The following KCNJ3 variants were observed in gnomAD, a reference collection of about 807,000 sequenced individuals.
KCNJ3 encodes potassium inwardly rectifying channel subfamily J member 3.
In KCNJ3, 4 loss-of-function variants were observed where a neutral mutation model predicts 39.2. The observed-to-expected ratio is 0.10, with a 90% CI of 0.05 to 0.23. The LOEUF is 0.23. Ranked by LOEUF, KCNJ3 falls within the 10% of genes least tolerant of loss-of-function variation. KCNJ3 has a pLI of 1.00. For missense variants in KCNJ3, 276 were observed against 634.9 expected, an observed-to-expected ratio of 0.43 and a Z score of 6.08; for synonymous variants, 230 against 237.4, an observed-to-expected ratio of 0.97 and a Z score of 0.29.
chr2:154,704,878 C>T (rs1684975110), intron 1 of KCNJ3, among the ~76,000 whole-genome samples: 1 of 152,118 alleles, frequency 6.6e-6, no homozygotes. Context: ...TGCACACACA[C>T]ACATAAATGC....
At chr2:154,812,173 T>G (rs1237732296) in intron 2 of KCNJ3, among the ~76,000 whole-genome samples, 1 of 152,162 alleles carries the variant, frequency 6.6e-6, no homozygotes, top group Non-Finnish European at 1.5e-5. Context: ...GCTTACTGAG[T>G]GATTATTGTA....
chr2:154,848,843 G>A (rs1420929156), intron 2 of KCNJ3, among the ~76,000 whole-genome samples: 1 of 152,144 alleles, frequency 6.6e-6, no homozygotes. Flanking sequence ...AGTGCCTCTG[G>A]TGTTCATCCC....
At chr2:154,843,288 G>T (rs1687608707) in intron 2 of KCNJ3, among the ~76,000 whole-genome samples, 2 of 152,130 alleles carry the variant, frequency 1.3e-5, no homozygotes, top group South Asian at 4.1e-4. Flanking sequence ...GGCTTGCTTG[G>T]TTTTTGCTGA....
At chr2:154,781,737 G>A (rs555400894) in intron 2 of KCNJ3, among the ~76,000 whole-genome samples, 6 of 152,138 alleles carry the variant, frequency 3.9e-5, no homozygotes, top group South Asian at 2.1e-4. Context: ...TTACTTGCCC[G>A]AACCATTTAA....
intron 2 of KCNJ3, among the ~76,000 whole-genome samples, chr2:154,785,995 A>T (rs1018936420): frequency 6.6e-6 from 1 of 152,206 alleles, no homozygotes; most frequent in African/African-American, 2.4e-5. Flanking sequence ...AAGACCTGTG[A>T]CTAAATGTCT....
Position 154,855,139 on chromosome 2 carries a change from G to C in KCNJ3, c.1332G>C (p.Pro444=), listed in dbSNP as rs767675362. Residue 444 remains proline (P), a synonymous_variant, in exon 3 of 3, where the codon CCG becomes CCC. Coordinates refer to ENST00000295101, the MANE Select transcript of KCNJ3 (RefSeq NM_002239.4). ...AACTTCAACGAATAAGTTCAGTTCC[G>C]GGCAACTCAGAAGAAAAACTGGTAT... ...PMKLQRISSV[P]GNSEEKLVSK... 1.2e-6 allele frequency: 2 copies of C among 1,613,934 alleles called. No individual in the cohort carries two copies. The highest frequency in any genetic ancestry group is 2.7e-5 in the African/African-American group (2 of 75,010).
intron 2 of KCNJ3, among the ~76,000 whole-genome samples, chr2:154,796,682 G>A (rs1273013186): frequency 6.6e-6 from 1 of 152,050 alleles, no homozygotes; most frequent in African/African-American, 2.4e-5. Context: ...CTATATAACA[G>A]AGTTGAATGA....
At chr2:154,729,408 G>A (rs1454340520) in intron 2 of KCNJ3, among the ~76,000 whole-genome samples, 1 of 152,102 alleles carries the variant, frequency 6.6e-6, no homozygotes, top group Non-Finnish European at 1.5e-5. Flanking sequence ...TTAACTGATT[G>A]AGCCACAGTC....
At chr2:154,812,132 T>C (rs754931501) in intron 2 of KCNJ3, among the ~76,000 whole-genome samples, 4 of 152,184 alleles carry the variant, frequency 2.6e-5, no homozygotes, top group Admixed American at 2.6e-4. Context: ...AAAAAATAAT[T>C]GGGTGACATT....
chr2:154,814,165 A>G (rs1218846428), intron 2 of KCNJ3, among the ~76,000 whole-genome samples: 1 of 152,210 alleles, frequency 6.6e-6, no homozygotes, highest in Non-Finnish European at 1.5e-5. Context: ...TTAAAACTAA[A>G]TTTAGTAACT....
intron 2 of KCNJ3, among the ~76,000 whole-genome samples, chr2:154,784,542 C>T (rs1686493606): frequency 6.6e-6 from 1 of 152,096 alleles, no homozygotes; most frequent in Non-Finnish European, 1.5e-5. Context: ...ACCACCATAC[C>T]CAGCTAATTT....
At chr2:154,748,753 C>A (rs952188469) in intron 2 of KCNJ3, among the ~76,000 whole-genome samples, 2 of 152,038 alleles carry the variant, frequency 1.3e-5, no homozygotes, top group Non-Finnish European at 2.9e-5. Context: ...TCAAATGTTT[C>A]TTTTAAGTAG....
At chr2:154,807,964 CCAG>C (rs905835865) in intron 2 of KCNJ3, among the ~76,000 whole-genome samples, 2 of 152,146 alleles carry the variant, frequency 1.3e-5, no homozygotes, top group African/African-American at 4.8e-5. Flanking sequence ...CTGTACTCCC[CCAG>C]CATCAGTGTG....
chr2:154,770,892 C>CTA lies in KCNJ3; in HGVS notation c.919+61074_919+61075insAT, dbSNP rs1686229604. Among the ~76,000 whole-genome samples, 3 of 127,676 alleles carry CTA rather than the reference C, an allele frequency of 2.3e-5. No individual in the cohort carries two copies. In the South Asian group the frequency reaches 7.5e-4, roughly 32 times the overall value. The allele number at this position is 127,676 out of a possible 152,430, so 83.8% of individuals were successfully genotyped here. A position where few individuals can be genotyped will look rare whatever the true frequency, so the allele number is the denominator to read the frequency against. On this transcript the variant is annotated intron_variant, in intron 2 of 2. Transcript: ENST00000295101. ...CAAGATTTTTTTCTTTTTTCTTTTT[C>CTA]TTTTTTTTTTTTTTTTGAGATGGAG...
intron 2 of KCNJ3, among the ~76,000 whole-genome samples, chr2:154,716,072 ATAATTATTTTATTTTT>A (rs1484298021): frequency 6.6e-6 from 1 of 151,860 alleles, no homozygotes; most frequent in Non-Finnish European, 1.5e-5. Context: ...AATAATGGAC[ATAATTATTTTATTTTT>A]TCATTATTTA....
chr2:154,701,754 A>C (rs1466642444), intron 1 of KCNJ3, among the ~76,000 whole-genome samples: 1 of 152,216 alleles, frequency 6.6e-6, no homozygotes, highest in East Asian at 1.9e-4. Context: ...CAGTGCTAGA[A>C]GTAAACACGA....
intron 2 of KCNJ3, among the ~76,000 whole-genome samples, chr2:154,829,656 T>A (rs1320274708): frequency 2.6e-5 from 4 of 152,208 alleles, no homozygotes; most frequent in African/African-American, 4.8e-5. Flanking sequence ...AGTAAAGGGA[T>A]GGCTAGGTCA....
At chr2:154,818,701 A>G (rs1051426639) in intron 2 of KCNJ3, among the ~76,000 whole-genome samples, 2 of 152,188 alleles carry the variant, frequency 1.3e-5, no homozygotes, top group Non-Finnish European at 2.9e-5. Context: ...AACTTTAAAA[A>G]GAAATTGTAA....
chr2:154,729,289 T>C (rs940759157), intron 2 of KCNJ3, among the ~76,000 whole-genome samples: 2 of 152,204 alleles, frequency 1.3e-5, no homozygotes, highest in Admixed American at 6.5e-5. Flanking sequence ...ATCCAAAATT[T>C]ATATGTTTTG....
Sources: gnomAD v4.1 joint callset for allele counts (sites outside exome capture counted in the v4.1 genomes callset) on GRCh38, gnomAD v4.1.1 for gene constraint, MANE v1.5 for transcripts, NCBI Gene and HGNC (gene_info 2026-07-23, HGNC 2026-07-21) for gene names.